EBF1: variants seen among roughly 807,000 people sequenced by gnomAD.
EBF1 encodes EBF transcription factor 1.
EBF1 carries 10 observed loss-of-function variants against 68.4 expected under a neutral mutation model. The observed-to-expected ratio is 0.15, with a 90% CI of 0.09 to 0.25. The LOEUF is 0.25. Among genes scored for constraint, EBF1 ranks in the 10% least tolerant of loss-of-function variants. EBF1 has a pLI of 1.00. For missense variants in EBF1, 509 were observed against 794.4 expected (o/e 0.64, Z 4.32); for synonymous variants, 298 against 299.8 (o/e 0.99, Z 0.06).
chr5:158,897,215 C>T (rs1802347000), intron 6 of EBF1, among the ~76,000 whole-genome samples: 1 of 152,202 alleles, frequency 6.6e-6, no homozygotes, highest in African/African-American at 2.4e-5. Context: ...GGTACATACA[C>T]ACCATGGAAT....
intron 6 of EBF1, among the ~76,000 whole-genome samples, chr5:158,942,344 T>C (rs1296467712): frequency 6.6e-6 from 1 of 152,220 alleles, no homozygotes; most frequent in Non-Finnish European, 1.5e-5. Flanking sequence ...CTGCATTCAA[T>C]CCTAGTTCTA....
chr5:158,894,133 A>T (rs1420251395), intron 6 of EBF1, among the ~76,000 whole-genome samples: 1 of 152,208 alleles, frequency 6.6e-6, no homozygotes, highest in Non-Finnish European at 1.5e-5. Flanking sequence ...AAAAATTAAC[A>T]TATCCTTTAA....
chr5:158,851,747 G>A (rs948103115), intron 6 of EBF1, among the ~76,000 whole-genome samples: 6 of 115,082 alleles, frequency 5.2e-5, no homozygotes, highest in Non-Finnish European at 9.2e-5. Flanking sequence ...GAGAAAGGAA[G>A]GGAAGGGAAG....
At chr5:158,802,055 A>T (rs755219991) in intron 8 of EBF1, among the ~76,000 whole-genome samples, 12 of 152,118 alleles carry the variant, frequency 7.9e-5, no homozygotes, top group Non-Finnish European at 1.6e-4. Context: ...AGCCTTGGGA[A>T]TAAGGGTTAA....
At chr5:158,876,216 G>A (rs1179058443) in intron 6 of EBF1, among the ~76,000 whole-genome samples, 2 of 152,146 alleles carry the variant, frequency 1.3e-5, no homozygotes, top group South Asian at 4.1e-4. Context: ...CAGTGAGCTT[G>A]CAATAAAGCA....
intron 6 of EBF1, among the ~76,000 whole-genome samples, chr5:158,941,021 C>G (rs976011510): frequency 1.3e-5 from 2 of 152,046 alleles, no homozygotes; most frequent in Non-Finnish European, 2.9e-5. Context: ...TGTCAACCAC[C>G]TTGAAGATCA....
At chr5:158,924,852 C>CAAAAAA (rs34744460) in intron 6 of EBF1, among the ~76,000 whole-genome samples, 7 of 50,888 alleles carry the variant, frequency 1.4e-4, no homozygotes, top group Admixed American at 2.3e-4. Context: ...GACTCTGTCT[C>CAAAAAA]AAAAAAAAAA....
intron 6 of EBF1, among the ~76,000 whole-genome samples, chr5:158,997,006 T>C (rs1253748634): frequency 6.6e-6 from 1 of 152,006 alleles, no homozygotes; most frequent in Non-Finnish European, 1.5e-5. Context: ...CTGGCTCTGA[T>C]CCAAATCTCA....
intron 10 of EBF1, among the ~76,000 whole-genome samples, chr5:158,736,365 A>G (rs557411722): frequency 6.6e-6 from 1 of 152,350 alleles, no homozygotes; most frequent in East Asian, 1.9e-4. Context: ...TGCCATTCCA[A>G]CATTGGCTTA....
intron 6 of EBF1, among the ~76,000 whole-genome samples, chr5:158,946,857 G>A (rs567653758): frequency 2.6e-5 from 4 of 152,228 alleles, no homozygotes; most frequent in East Asian, 3.8e-4. Context: ...GACTGGGGCT[G>A]CTGCCTTTCT....
chr5:158,754,219 A>C (rs980586293), intron 10 of EBF1, among the ~76,000 whole-genome samples: 6 of 152,138 alleles, frequency 3.9e-5, no homozygotes, highest in African/African-American at 1.4e-4. Context: ...TAAAGGCTTC[A>C]CAATTAACAA....
chr5:158,819,658 G>A (rs1474420279), intron 8 of EBF1, among the ~76,000 whole-genome samples: 3 of 152,166 alleles, frequency 2.0e-5, no homozygotes, highest in African/African-American at 7.2e-5. Flanking sequence ...CAGCCACTCA[G>A]CTCCTTTCAT....
intron 15 of EBF1, among the ~76,000 whole-genome samples, chr5:158,701,636 A>C (rs1484689251): frequency 1.3e-5 from 2 of 152,258 alleles, no homozygotes; most frequent in African/African-American, 2.4e-5. Context: ...GCAGTGACTC[A>C]GCTCCCACCA....
At chr5:158,852,623 T>G (rs1210472111) in intron 6 of EBF1, among the ~76,000 whole-genome samples, 1 of 152,216 alleles carries the variant, frequency 6.6e-6, no homozygotes, top group Non-Finnish European at 1.5e-5. Flanking sequence ...TAGTCTATAT[T>G]ATAGACGATC....
intron 6 of EBF1, among the ~76,000 whole-genome samples, chr5:158,944,589 C>T (rs1020084262): frequency 2.2e-4 from 33 of 152,150 alleles, no homozygotes; most frequent in Non-Finnish European, 3.7e-4. Flanking sequence ...CACCCAGTAA[C>T]GGGATTGCTG....
intron 6 of EBF1, among the ~76,000 whole-genome samples, chr5:159,054,545 A>G (rs1774403349): frequency 6.6e-6 from 1 of 152,206 alleles, no homozygotes; most frequent in Admixed American, 6.5e-5. Context: ...AGCTTAAGGA[A>G]TATATACTGT....
chr5:159,024,596 G>A (rs1391003802), intron 6 of EBF1, among the ~76,000 whole-genome samples: 3 of 152,314 alleles, frequency 2.0e-5, no homozygotes, highest in South Asian at 2.1e-4. Context: ...TCCCTACCAA[G>A]GATAGTCAAA....
At chr5:158,980,670 T>C (rs770375131) in intron 6 of EBF1, among the ~76,000 whole-genome samples, 1 of 152,140 alleles carries the variant, frequency 6.6e-6, no homozygotes, top group Admixed American at 6.5e-5. Context: ...GGAGAGAAAA[T>C]ATCTCATGGC....
At chr5:159,033,751 T>C (rs1769433554) in intron 6 of EBF1, among the ~76,000 whole-genome samples, 1 of 152,186 alleles carries the variant, frequency 6.6e-6, no homozygotes, top group Non-Finnish European at 1.5e-5. Flanking sequence ...GCCCTACAGA[T>C]AAAATTCCAT....
Sources: allele counts gnomAD v4.1 joint callset (sites outside exome capture counted in the v4.1 genomes callset), GRCh38; gene constraint gnomAD v4.1.1; transcripts MANE v1.5; gene names NCBI Gene and HGNC (gene_info 2026-07-23, HGNC 2026-07-21).